Variants in ZNF100 observed in about 807,000 individuals in gnomAD.
ZNF100 encodes zinc finger protein 100.
In ZNF100, 12 loss-of-function variants were observed where a neutral mutation model predicts 15.8. The observed-to-expected ratio is 0.76, with a 90% CI of 0.49 to 1.23. The LOEUF (loss-of-function observed/expected upper bound fraction) is 1.23. Ranked by LOEUF, ZNF100 falls within the 50% of genes most tolerant of loss-of-function variation. The probability of loss-of-function intolerance (pLI) is 0.00; values close to 1 mark genes in which losing one functional copy is unlikely to be tolerated. For synonymous variants in ZNF100, 226 were observed against 214.8 expected (o/e 1.05, Z -0.45); for missense variants, 670 against 635.6 (o/e 1.05, Z -0.58).
chr19:21,729,381 CAT>C (rs2145686049), intron 4 of ZNF100, among the ~76,000 whole-genome samples: 1 of 143,440 alleles, frequency 7.0e-6, no homozygotes, highest in South Asian at 2.2e-4. Flanking sequence ...TTGAAAATAA[CAT>C]GATTCAACAA....
In ZNF100 at chr19:21,727,706, C is replaced by A. The variant is rs1263401768; in HGVS notation, c.606G>T (p.Lys202Asn). 1.2e-6 allele frequency: 2 copies of A among 1,613,300 alleles called. No homozygotes were observed. The highest frequency in any genetic ancestry group is 3.3e-5 in the Admixed American group (2 of 59,858). ...SNRHKIRHTR[K>N]KPFKCKKCEK... ...CACATTTTTTACATTTGAAAGGTTT[C>A]TTTCTAGTATGTCTTATCTTATGTC... Residue 202 changes from lysine to asparagine, a missense_variant, in exon 5 of 5, where the codon AAG (lysine) becomes AAT (asparagine). Coordinates refer to ENST00000358296, the MANE Select transcript of ZNF100 (RefSeq NM_173531.4).
At chr19:21,758,155 C>T (rs1568310671) in intron 2 of ZNF100, among the ~76,000 whole-genome samples, 1 of 151,960 alleles carries the variant, frequency 6.6e-6, no homozygotes, top group African/African-American at 2.4e-5. Flanking sequence ...ACGGATGGCG[C>T]TGGAGACCAT....
At position 21,767,491 on chromosome 19, in the gene ZNF100, A is replaced by C; in HGVS notation, c.-62T>G. 1.2e-6 allele frequency: 2 copies of C among 1,611,694 alleles called. No homozygotes were observed. The highest frequency in any genetic ancestry group is 3.3e-5 in the Admixed American group (2 of 59,890). ...GGATCTCCCAATATCTGCAGGTCAG[A>C]GGGCCACACAGGCTAGGCCCCTAGG... is the stretch of plus-strand genomic sequence containing the variant. On this transcript the variant is annotated 5_prime_UTR_variant, in exon 1 of 5. Coordinates refer to ENST00000358296, the MANE Select transcript of ZNF100 (RefSeq NM_173531.4).
intron 4 of ZNF100, among the ~76,000 whole-genome samples, chr19:21,743,773 T>G (rs1187170690): frequency 7.1e-6 from 1 of 141,584 alleles, no homozygotes; most frequent in Non-Finnish European, 1.5e-5. Flanking sequence ...ACTGTAAACC[T>G]GAAGGAAGAT....
chr19:21,752,053 C>T (rs557591254), intron 2 of ZNF100: 10 of 258,624 alleles, frequency 3.9e-5, no homozygotes, highest in South Asian at 2.0e-4. Flanking sequence ...AAGAGACGCA[C>T]GGACAACAAG....
At chr19:21,765,269 T>C (rs2036540291) in intron 2 of ZNF100, among the ~76,000 whole-genome samples, 1 of 152,142 alleles carries the variant, frequency 6.6e-6, no homozygotes, top group African/African-American at 2.4e-5. Flanking sequence ...GCAGTGCTGA[T>C]TAAATAACAG....
chr19:21,765,502 T>C (rs1158435245), intron 2 of ZNF100, among the ~76,000 whole-genome samples, 192 bp downstream of exon 2: 1 of 152,208 alleles, frequency 6.6e-6, no homozygotes, highest in Non-Finnish European at 1.5e-5. Context: ...TAACAAAATT[T>C]TCACTTTTTT....
chr19:21,737,652 TC>T (rs1348314452), intron 4 of ZNF100, among the ~76,000 whole-genome samples: 3 of 151,230 alleles, frequency 2.0e-5, no homozygotes, highest in African/African-American at 7.3e-5. Context: ...TTACTGGACA[TC>T]TACACCCTCC....
intron 4 of ZNF100, among the ~76,000 whole-genome samples, chr19:21,742,678 AAAAT>A (rs2036138688): frequency 6.6e-6 from 1 of 152,154 alleles, no homozygotes; most frequent in African/African-American, 2.4e-5. Context: ...AAATTGAAGA[AAAAT>A]AAGTTACTTT....
intron 2 of ZNF100, among the ~76,000 whole-genome samples, chr19:21,749,444 T>C (rs2145726261): frequency 6.6e-6 from 1 of 152,254 alleles, no homozygotes; most frequent in East Asian, 1.9e-4. Context: ...GACCCTGGGC[T>C]GATGGCCCAG....
chr19:21,729,994 A>G (rs1255184254), intron 4 of ZNF100, among the ~76,000 whole-genome samples: 2 of 152,076 alleles, frequency 1.3e-5, no homozygotes, highest in African/African-American at 4.8e-5. Flanking sequence ...ACAAGAAAGA[A>G]GTAAAAGCAT....
intron 4 of ZNF100, among the ~76,000 whole-genome samples, 161 bp downstream of exon 4, chr19:21,743,852 CCAAA>C (rs748343581): frequency 8.5e-5 from 2 of 23,412 alleles, no homozygotes; most frequent in Non-Finnish European, 1.1e-4. Flanking sequence ...TACGTGACAG[CCAAA>C]AAAAAAAAAA....
intron 2 of ZNF100, among the ~76,000 whole-genome samples, chr19:21,756,431 G>A (rs1472718462): frequency 6.6e-6 from 1 of 152,014 alleles, no homozygotes; most frequent in African/African-American, 2.4e-5. Context: ...TAGCATCTCT[G>A]TACATCAACA....
At chr19:21,732,686 G>A (rs527458629) in intron 4 of ZNF100, among the ~76,000 whole-genome samples, 15 of 150,734 alleles carry the variant, frequency 1.0e-4, no homozygotes, top group South Asian at 2.1e-4. Flanking sequence ...AATGTAAAAC[G>A]TATTGGATGC....
rs955213931 is a variant in ZNF100 at position 21,751,255 on chromosome 19, C to T, written c.97-6188G>A. 1.8e-5 allele frequency: 21 copies of T among 1,162,422 alleles called. No individual in the cohort carries two copies. The African/African-American group carries it at 1.8e-4, about 10-fold the overall frequency. The allele number at this position is 1,162,422 out of a possible 1,614,324, so 72.0% of individuals were successfully genotyped here. A position where few individuals can be genotyped will look rare whatever the true frequency, so the allele number is the denominator to read the frequency against. ...TGACAGAACAGTCAGCCAGCCTAAC[C>T]TTAGAACCACAGTAAAATGTGACCT... On this transcript the variant is annotated intron_variant, in intron 2 of 4. Transcript: ENST00000358296.
At chr19:21,755,977 C>T (rs527867275) in intron 2 of ZNF100, among the ~76,000 whole-genome samples, 39 of 152,144 alleles carry the variant, frequency 2.6e-4, no homozygotes, top group Middle Eastern at 6.8e-3. Flanking sequence ...GGTGAATAGG[C>T]GCACCAAACC....
chr19:21,747,492 G>A (rs917490754), intron 2 of ZNF100, among the ~76,000 whole-genome samples: 2 of 152,146 alleles, frequency 1.3e-5, no homozygotes, highest in African/African-American at 2.4e-5. Context: ...ATGTGATTCT[G>A]CATGTTTGGA....
chr19:21,730,434 C>T (rs1568290834), intron 4 of ZNF100, among the ~76,000 whole-genome samples: 1 of 120,260 alleles, frequency 8.3e-6, no homozygotes, highest in Non-Finnish European at 1.7e-5. Context: ...GATTCATTTA[C>T]TGATAACCTA....
At chr19:21,760,500 A>T (rs1207081587) in intron 2 of ZNF100, among the ~76,000 whole-genome samples, 1 of 151,906 alleles carries the variant, frequency 6.6e-6, no homozygotes, top group Non-Finnish European at 1.5e-5. Context: ...ATCTAAAAAA[A>T]AATAAAATAA....
Sources: gnomAD v4.1 joint callset for allele counts (sites outside exome capture counted in the v4.1 genomes callset) on GRCh38, gnomAD v4.1.1 for gene constraint, MANE v1.5 for transcripts, NCBI Gene and HGNC (gene_info 2026-07-23, HGNC 2026-07-21) for gene names.